The following MAD1L1 variants were observed in gnomAD, a reference collection of about 807,000 sequenced individuals.
The protein encoded by MAD1L1 is mitotic arrest deficient 1 like 1.
Under a neutral mutation model 96.9 loss-of-function variants are expected in MAD1L1, and 95 were observed. The ratio of observed to expected loss-of-function variants is 0.98; its 90% confidence interval spans 0.83 to 1.16. The LOEUF is 1.16. Ranked by LOEUF, MAD1L1 falls within the 50% of genes most tolerant of loss-of-function variation. MAD1L1 has a pLI of 0.00. For synonymous variants in MAD1L1, 473 were observed against 396.6 expected, an observed-to-expected ratio of 1.19 and a Z score of -2.29; for missense variants, 1,007 against 954.4, an observed-to-expected ratio of 1.06 and a Z score of -0.73.
intron 15 of MAD1L1, among the ~76,000 whole-genome samples, chr7:1,964,386 G>T (rs924193179): frequency 6.6e-6 from 1 of 152,232 alleles, no homozygotes. Context: ...AATGACCTGC[G>T]TGACCCACCC....
intron 12 of MAD1L1, among the ~76,000 whole-genome samples, chr7:2,048,505 C>A (rs532210815): frequency 6.6e-6 from 1 of 152,320 alleles, no homozygotes; most frequent in South Asian, 2.1e-4. Context: ...ACTGCAGGTC[C>A]CATGCCAGGT....
chr7:2,021,547 G>A (rs1782787341), intron 12 of MAD1L1, among the ~76,000 whole-genome samples: 2 of 152,208 alleles, frequency 1.3e-5, no homozygotes, highest in South Asian at 4.1e-4. Flanking sequence ...CAGATGGTCT[G>A]GTGTCAGAGG....
chr7:2,099,976 A>C (rs2128550266), intron 11 of MAD1L1, among the ~76,000 whole-genome samples: 1 of 152,388 alleles, frequency 6.6e-6, no homozygotes, highest in South Asian at 2.1e-4. Context: ...GCTCAAGCCA[A>C]GGGGCTGGCT....
intron 18 of MAD1L1, among the ~76,000 whole-genome samples, chr7:1,830,567 C>G (rs1782653731): frequency 6.6e-6 from 1 of 152,140 alleles, no homozygotes; most frequent in Non-Finnish European, 1.5e-5. Context: ...GAAATAAAAA[C>G]AAAGTATTGT....
At chr7:1,898,448 C>A in intron 17 of MAD1L1, 58 bp from the exon 18 acceptor site, 2 of 1,513,272 alleles carry the variant, frequency 1.3e-6, no homozygotes, top group South Asian at 1.2e-5. Context: ...GGGTGGGGAC[C>A]CGGGAGCGGC....
chr7:1,904,257 A>C lies in MAD1L1; in HGVS notation c.1808-5867T>G, dbSNP rs551029114. Among the ~76,000 whole-genome samples the C allele has an allele frequency of 8.5e-4, 126 of 148,352 alleles. 1 individual carries two copies. Among genetic ancestry groups the C allele is most frequent in the Admixed American group, 1.9e-3 (28 of 15,066 alleles). On this transcript the variant is annotated intron_variant, in intron 17 of 18. Transcript: ENST00000265854. ...GCTCTTGCGGAACTCATGATTGATG[A>C]AGCACTGTTCCAGGCAGTGAGGACG...
intron 10 of MAD1L1, among the ~76,000 whole-genome samples, chr7:2,175,623 C>A (rs1790914368): frequency 1.3e-5 from 2 of 151,918 alleles, no homozygotes; most frequent in South Asian, 4.1e-4. Flanking sequence ...TAGAAAAACT[C>A]TGGCAACATA....
At chr7:1,871,761 C>G (rs1296928929) in intron 18 of MAD1L1, among the ~76,000 whole-genome samples, 1 of 152,282 alleles carries the variant, frequency 6.6e-6, no homozygotes, top group South Asian at 2.1e-4. Context: ...CCACGCTGAA[C>G]CCAACATACG....
chr7:2,217,388 T>C (rs747585910), intron 7 of MAD1L1, among the ~76,000 whole-genome samples: 30 of 152,088 alleles, frequency 2.0e-4, no homozygotes, highest in Non-Finnish European at 4.1e-4. Flanking sequence ...GGAGCGGACA[T>C]GGCAGAGGCC....
At chr7:2,193,783 C>T (rs898201175) in intron 10 of MAD1L1, among the ~76,000 whole-genome samples, 4 of 152,198 alleles carry the variant, frequency 2.6e-5, no homozygotes, top group Non-Finnish European at 4.4e-5. Flanking sequence ...TCACCCTAGG[C>T]TCTCTTCCAC....
rs74350625 is a variant in MAD1L1, at chr7:1,895,992, C to G, written c.1998+2208G>C. Among the ~76,000 whole-genome samples, 23 of 152,366 alleles carry G rather than the reference C, an allele frequency of 1.5e-4. No individual in the cohort carries two copies. The East Asian group carries it at 4.4e-3, about 29-fold the overall frequency. Reference sequence around the variant, plus strand: ...AGGCGGGCAGGATGCCTGGCAAGAGCTGCGGGGCCCAGGCCAGACCCCTGC... The same window carrying G: ...AGGCGGGCAGGATGCCTGGCAAGAGGTGCGGGGCCCAGGCCAGACCCCTGC... On this transcript the variant is annotated intron_variant, in intron 18 of 18. Transcript: ENST00000265854.
chr7:2,222,322 C>T (rs768385525), intron 5 of MAD1L1, among the ~76,000 whole-genome samples: 7 of 152,216 alleles, frequency 4.6e-5, no homozygotes, highest in Non-Finnish European at 1.0e-4. Context: ...TCAGATGATA[C>T]ACCCACCTCG....
chr7:2,212,494 G>A (rs1793000179), intron 10 of MAD1L1, among the ~76,000 whole-genome samples: 1 of 152,312 alleles, frequency 6.6e-6, no homozygotes, highest in African/African-American at 2.4e-5. Flanking sequence ...CTCACAGCTT[G>A]GGTCTGTCTT....
chr7:2,200,920 T>C (rs1198459954), intron 10 of MAD1L1, among the ~76,000 whole-genome samples: 3 of 149,108 alleles, frequency 2.0e-5, no homozygotes, highest in African/African-American at 7.4e-5. Context: ...CGAGTGACCG[T>C]GGGTTCCAGG....
intron 18 of MAD1L1, among the ~76,000 whole-genome samples, chr7:1,857,018 AC>A (rs35428894): frequency 0.061 from 9,345 of 152,018 alleles, 438 homozygotes; most frequent in Non-Finnish European, 0.088. Context: ...CCTCCTGCCA[AC>A]CCTCCAGCAG....
intron 10 of MAD1L1, among the ~76,000 whole-genome samples, chr7:2,186,457 C>T (rs1228772034): frequency 1.3e-5 from 2 of 152,170 alleles, no homozygotes; most frequent in Non-Finnish European, 2.9e-5. Flanking sequence ...TTGTTATGTA[C>T]GTAAGACGTC....
rs117135484 is a variant in MAD1L1 at position 2,200,903 on chromosome 7, C to T, written c.986+12309G>A. Reference sequence around the variant, plus strand: ...TGCAGGAGCTGGGAGGAGCGGGATGCGGGTGCCGAGTGACCGTGGGTTCCA... The same window carrying T: ...TGCAGGAGCTGGGAGGAGCGGGATGTGGGTGCCGAGTGACCGTGGGTTCCA... On this transcript the variant is annotated intron_variant, in intron 10 of 18. Transcript: ENST00000265854. Among the ~76,000 whole-genome samples, 233 of 147,972 alleles carry T rather than the reference C, an allele frequency of 1.6e-3. 8 individuals carry two copies. In the East Asian group the frequency reaches 0.047, roughly 30 times the overall value.
chr7:2,104,371 G>A (rs1786975934), intron 11 of MAD1L1, among the ~76,000 whole-genome samples: 1 of 152,264 alleles, frequency 6.6e-6, no homozygotes, highest in Admixed American at 6.5e-5. Context: ...AGCCGTCACG[G>A]CGGCGCAATA....
intron 13 of MAD1L1, among the ~76,000 whole-genome samples, chr7:2,010,683 G>T (rs909301410): frequency 2.6e-5 from 4 of 152,260 alleles, no homozygotes; most frequent in African/African-American, 9.6e-5. Context: ...GATGAGAACA[G>T]ACTGGTGTCT....
Sources: allele counts gnomAD v4.1 joint callset (sites outside exome capture counted in the v4.1 genomes callset), GRCh38; gene constraint gnomAD v4.1.1; transcripts MANE v1.5; gene names NCBI Gene and HGNC (gene_info 2026-07-23, HGNC 2026-07-21).